RNF130: variants seen among roughly 807,000 people sequenced by gnomAD.
The protein encoded by RNF130 is ring finger protein 130, also known as E3 ubiquitin-protein ligase RNF130.
RNF130 carries 21 observed loss-of-function variants against 44.6 expected under a neutral mutation model. The observed-to-expected ratio is 0.47, with a 90% CI of 0.33 to 0.68. The LOEUF is 0.68. RNF130 is among the 30% of genes least tolerant of loss of function. RNF130 has a pLI of 0.02. For missense variants in RNF130, 479 were observed against 560.6 expected, an observed-to-expected ratio of 0.85 and a Z score of 1.47; for synonymous variants, 214 against 210.4, an observed-to-expected ratio of 1.02 and a Z score of -0.15.
intron 7 of RNF130, chr5:179,964,452 T>C (rs1762400472): frequency 6.6e-6 from 1 of 152,248 alleles, no homozygotes; most frequent in South Asian, 2.1e-4. Context: ...CTATAAAATA[T>C]TTCTTTGAGT....
chr5:180,041,984 CTT>C (rs1764431668), intron 1 of RNF130, among the ~76,000 whole-genome samples: 1 of 152,124 alleles, frequency 6.6e-6, no homozygotes, highest in Admixed American at 6.5e-5. Context: ...GGGAAGACTG[CTT>C]GAGCCATGAT....
intron 1 of RNF130, among the ~76,000 whole-genome samples, chr5:180,069,800 G>C (rs973063247): frequency 6.6e-6 from 1 of 152,108 alleles, no homozygotes; most frequent in African/African-American, 2.4e-5. Context: ...CACTGAGAGG[G>C]GAACAGGACT....
At chr5:180,007,203 C>T (rs1383640165) in intron 3 of RNF130, among the ~76,000 whole-genome samples, 1 of 151,988 alleles carries the variant, frequency 6.6e-6, no homozygotes, top group African/African-American at 2.4e-5. Flanking sequence ...GAGTTTGAGA[C>T]CAGCCTGGCC....
intron 3 of RNF130, among the ~76,000 whole-genome samples, chr5:179,980,692 C>T (rs993972614): frequency 6.6e-6 from 1 of 152,202 alleles, no homozygotes; most frequent in Non-Finnish European, 1.5e-5. Context: ...AGAAGGAATG[C>T]GTCACAGCTC....
At chr5:179,960,515 T>C (rs990343335) in intron 8 of RNF130, among the ~76,000 whole-genome samples, 2 of 152,244 alleles carry the variant, frequency 1.3e-5, no homozygotes, top group Non-Finnish European at 1.5e-5. Context: ...TTGCACCCCT[T>C]GTGGGGATCC....
chr5:180,012,972 A>G, intron 3 of RNF130, 89 bp downstream of exon 3: 1 of 1,444,232 alleles, frequency 6.9e-7, no homozygotes, highest in Non-Finnish European at 9.2e-7. Flanking sequence ...TTTTTAAAAG[A>G]AAAAACATGT....
At chr5:180,029,442 G>A (rs956910592) in intron 2 of RNF130, among the ~76,000 whole-genome samples, 11 of 151,994 alleles carry the variant, frequency 7.2e-5, no homozygotes, top group Non-Finnish European at 1.5e-4. Context: ...GAAGTTCAAA[G>A]GGAAAACAGA....
intron 5 of RNF130, among the ~76,000 whole-genome samples, chr5:179,975,784 C>T (rs1321624249): frequency 1.3e-5 from 2 of 152,094 alleles, no homozygotes; most frequent in Admixed American, 1.3e-4. Flanking sequence ...TTCCGTGAAC[C>T]GTGCCAAAAA....
chr5:179,936,152 C>T (rs759959399), intron 7 of RNF130, among the ~76,000 whole-genome samples: 2 of 152,168 alleles, frequency 1.3e-5, no homozygotes, highest in African/African-American at 4.8e-5. Flanking sequence ...GACAGGGTCT[C>T]GCTCTGTCAC....
At chr5:179,929,625 G>A (rs1284731610) in intron 7 of RNF130, among the ~76,000 whole-genome samples, 1 of 152,120 alleles carries the variant, frequency 6.6e-6, no homozygotes, top group Non-Finnish European at 1.5e-5. Context: ...GTGCATGCCT[G>A]TAGTCCCAGC....
chr5:179,954,298 T>G (rs1762168405), downstream of RNF130, among the ~76,000 whole-genome samples: 1 of 152,198 alleles, frequency 6.6e-6, no homozygotes. Flanking sequence ...TGTACATGAA[T>G]GTTCACAGCA....
intron 7 of RNF130, among the ~76,000 whole-genome samples, chr5:179,930,349 C>G (rs1374345480): frequency 6.6e-6 from 1 of 152,164 alleles, no homozygotes; most frequent in Non-Finnish European, 1.5e-5. Flanking sequence ...AGCCACTGCA[C>G]CCGGCCAAAA....
intron 1 of RNF130, among the ~76,000 whole-genome samples, chr5:180,069,280 C>T (rs1396852462): frequency 6.6e-6 from 1 of 152,172 alleles, no homozygotes; most frequent in Non-Finnish European, 1.5e-5. Flanking sequence ...GTTGCCTCTC[C>T]TTCACCAATG....
Sources: allele counts gnomAD v4.1 joint callset (sites outside exome capture counted in the v4.1 genomes callset), GRCh38; gene constraint gnomAD v4.1.1; transcripts MANE v1.5; gene names NCBI Gene and HGNC (gene_info 2026-07-23, HGNC 2026-07-21).